The following TSPAN9 variants were observed in gnomAD, a reference collection of about 807,000 sequenced individuals.
TSPAN9 encodes tetraspanin-9.
TSPAN9 carries 16 observed loss-of-function variants against 31.0 expected under a neutral mutation model. The ratio of observed to expected loss-of-function variants is 0.52; its 90% CI spans 0.35 to 0.78. The LOEUF (loss-of-function observed/expected upper bound fraction) is 0.78, where lower values mean the gene tolerates loss of function less well. Among genes scored for constraint, TSPAN9 ranks in the 30% least tolerant of loss-of-function variants. The pLI, the probability that TSPAN9 is intolerant of heterozygous loss-of-function variation, is 0.01. For missense variants in TSPAN9, 272 were observed against 312.5 expected, an observed-to-expected ratio of 0.87 and a Z score of 0.98; for synonymous variants, 145 against 121.6, an observed-to-expected ratio of 1.19 and a Z score of -1.27.
At chr12:3,128,745 T>C (rs1227106793) in intron 2 of TSPAN9, among the ~76,000 whole-genome samples, 1 of 152,220 alleles carries the variant, frequency 6.6e-6, no homozygotes, top group African/African-American at 2.4e-5. Context: ...CACATCACCA[T>C]CATTATATTT....
At chr12:3,092,405 A>G (rs2098305228) in intron 2 of TSPAN9, among the ~76,000 whole-genome samples, 1 of 152,216 alleles carries the variant, frequency 6.6e-6, no homozygotes, top group Admixed American at 6.5e-5. Flanking sequence ...AGCCAAGTGT[A>G]AAGTTAGGTC....
At chr12:3,083,472 C>T (rs769794112) in intron 1 of TSPAN9, among the ~76,000 whole-genome samples, 181 bp from the exon 2 acceptor site, 3 of 152,154 alleles carry the variant, frequency 2.0e-5, no homozygotes, top group African/African-American at 7.2e-5. Context: ...GGGTACCCAC[C>T]GCCAACTGAG....
At chr12:3,106,134 A>C (rs556768593) in intron 2 of TSPAN9, among the ~76,000 whole-genome samples, 19 of 152,328 alleles carry the variant, frequency 1.2e-4, no homozygotes, top group African/African-American at 4.6e-4. Context: ...GCTCTCACAC[A>C]CACGTGCGTG....
chr12:3,221,559 A>T (rs536879956), intron 3 of TSPAN9, among the ~76,000 whole-genome samples: 1 of 152,140 alleles, frequency 6.6e-6, no homozygotes, highest in Non-Finnish European at 1.5e-5. Context: ...GAGTTTCACC[A>T]TGTTGGCCAG....
At chr12:3,159,565 C>T (rs1485749710) in intron 2 of TSPAN9, among the ~76,000 whole-genome samples, 2 of 152,056 alleles carry the variant, frequency 1.3e-5, no homozygotes, top group South Asian at 2.1e-4. Context: ...TGACTGGTGC[C>T]GTTATAAGAG....
Position 3,244,959 on chromosome 12 carries a change from C to G in TSPAN9, c.64-33462C>G, listed in dbSNP as rs192599123. ...GGGGCCCCCTTCTGCCAACCTCTCT[C>G]TCTCACTCTGTGCGTTAGCCTCTTG... On this transcript the variant is annotated intron_variant, in intron 3 of 8. Coordinates refer to ENST00000011898, the MANE Select transcript of TSPAN9 (RefSeq NM_006675.5). Among the ~76,000 whole-genome samples, 286 of 152,324 alleles carry G rather than the reference C, an allele frequency of 1.9e-3. 2 individuals are homozygous for G. Among genetic ancestry groups the G allele is most frequent in the African/African-American group, 6.7e-3 (280 of 41,566 alleles).
chr12:3,185,238 G>A (rs1014066236), intron 2 of TSPAN9, among the ~76,000 whole-genome samples: 7 of 152,308 alleles, frequency 4.6e-5, no homozygotes, highest in Admixed American at 3.9e-4. Context: ...GGGACTCGGC[G>A]GATAAGCTAT....
intron 2 of TSPAN9, among the ~76,000 whole-genome samples, chr12:3,085,152 G>A (rs1430000815): frequency 6.6e-6 from 1 of 151,994 alleles, no homozygotes; most frequent in Non-Finnish European, 1.5e-5. Context: ...GGAGGCTGAG[G>A]CAGGAGTTCA....
Position 3,283,235 on chromosome 12 carries a change from G to C in TSPAN9, c.*119G>C. The C allele has an allele frequency of 3.9e-6, 4 of 1,038,640 alleles. No homozygotes were observed. In the South Asian group the frequency reaches 6.5e-5, roughly 17 times the overall value. The allele number at this position is 1,038,640 out of a possible 1,614,324, so 64.3% of individuals were successfully genotyped here. A position where few individuals can be genotyped will look rare whatever the true frequency, so the allele number is the denominator to read the frequency against. ...CCCCTGCACCCACCCCCCACAGCCT[G>C]CCCTACCCCACCTACCCTGCCTCAG... On this transcript the variant is annotated 3_prime_UTR_variant, in exon 9 of 9. Transcript: ENST00000011898.
chr12:3,102,328 A>G (rs1347978609), intron 2 of TSPAN9, among the ~76,000 whole-genome samples: 1 of 150,442 alleles, frequency 6.6e-6, no homozygotes, highest in Non-Finnish European at 1.5e-5. Context: ...GAGTCTTGCT[A>G]TTTTGCCCAG....
intron 2 of TSPAN9, among the ~76,000 whole-genome samples, chr12:3,123,827 G>C (rs891890988): frequency 6.6e-6 from 1 of 152,240 alleles, no homozygotes; most frequent in East Asian, 1.9e-4. Context: ...TTCCCACTTC[G>C]TATCCTGTGA....
intron 2 of TSPAN9, among the ~76,000 whole-genome samples, chr12:3,088,143 T>C (rs1367731854): frequency 6.6e-6 from 1 of 152,244 alleles, no homozygotes. Context: ...TGTTTTGTTT[T>C]AGAGAAAATG....
intron 2 of TSPAN9, among the ~76,000 whole-genome samples, chr12:3,111,828 TC>T (rs1351412993): frequency 3.9e-5 from 6 of 152,110 alleles, no homozygotes; most frequent in Non-Finnish European, 8.8e-5. Flanking sequence ...AACAGGCTGG[TC>T]TCGAACTCCT....
At chr12:3,175,071 G>A (rs184998125) in intron 2 of TSPAN9, among the ~76,000 whole-genome samples, 1 of 152,184 alleles carries the variant, frequency 6.6e-6, no homozygotes, top group Admixed American at 6.5e-5. Context: ...ATGAAGTGTT[G>A]CGGACACAAC....
chr12:3,248,198 T>C (rs1348476061), intron 3 of TSPAN9, among the ~76,000 whole-genome samples: 1 of 152,190 alleles, frequency 6.6e-6, no homozygotes, highest in African/African-American at 2.4e-5. Flanking sequence ...CTAGGTACTT[T>C]CCAGACTTCC....
intron 2 of TSPAN9, among the ~76,000 whole-genome samples, chr12:3,121,714 C>A (rs1291048795): frequency 1.3e-5 from 2 of 152,058 alleles, no homozygotes; most frequent in Admixed American, 1.3e-4. Context: ...TCTAGTTACA[C>A]TGAGCCTGTG....
chr12:3,131,937 G>T (rs1230647670), intron 2 of TSPAN9, among the ~76,000 whole-genome samples: 1 of 152,050 alleles, frequency 6.6e-6, no homozygotes, highest in Non-Finnish European at 1.5e-5. Flanking sequence ...GACCCCCCAG[G>T]CCTCTCACCA....
At chr12:3,131,262 G>A (rs973926222) in intron 2 of TSPAN9, among the ~76,000 whole-genome samples, 3 of 40,558 alleles carry the variant, frequency 7.4e-5, no homozygotes, top group African/African-American at 1.3e-4. Context: ...CCCAGGCACC[G>A]CGTGGTTGAG....
intron 3 of TSPAN9, among the ~76,000 whole-genome samples, chr12:3,230,811 G>A (rs1346327116): frequency 2.0e-5 from 3 of 152,162 alleles, no homozygotes; most frequent in Non-Finnish European, 4.4e-5. Context: ...CCCCCGAGGA[G>A]ATATCAAGTT....
Sources: allele counts gnomAD v4.1 joint callset (sites outside exome capture counted in the v4.1 genomes callset), GRCh38; gene constraint gnomAD v4.1.1; transcripts MANE v1.5; gene names NCBI Gene and HGNC (gene_info 2026-07-23, HGNC 2026-07-21).